DRD2: variants seen among roughly 807,000 people sequenced by gnomAD.
The protein encoded by DRD2 is D(2) dopamine receptor.
Under a neutral mutation model 38.0 loss-of-function variants are expected in DRD2, and 8 were observed. The ratio of observed to expected loss-of-function variants is 0.21; its 90% CI spans 0.12 to 0.38. The LOEUF (loss-of-function observed/expected upper bound fraction) is 0.38, where lower values mean the gene tolerates loss of function less well. DRD2 is among the 10% of genes least tolerant of loss of function. The pLI, the probability that DRD2 is intolerant of heterozygous loss-of-function variation, is 1.00. For missense variants in DRD2, 403 were observed against 607.7 expected, an observed-to-expected ratio of 0.66 and a Z score of 3.54; for synonymous variants, 230 against 238.6, an observed-to-expected ratio of 0.96 and a Z score of 0.33.
intron 1 of DRD2, among the ~76,000 whole-genome samples, chr11:113,427,664 C>A: frequency 6.6e-6 from 1 of 152,272 alleles, no homozygotes; most frequent in East Asian, 1.9e-4. Context: ...TTGAAAGGCA[C>A]CTGCTAACAT....
At chr11:113,461,714 A>G (rs1951320910) in intron 1 of DRD2, among the ~76,000 whole-genome samples, 1 of 152,204 alleles carries the variant, frequency 6.6e-6, no homozygotes, top group African/African-American at 2.4e-5. Context: ...TTAGTCTGAG[A>G]TCCTGGTGTA....
At chr11:113,452,910 C>G (rs1488485268) in intron 1 of DRD2, among the ~76,000 whole-genome samples, 1 of 152,040 alleles carries the variant, frequency 6.6e-6, no homozygotes, top group East Asian at 1.9e-4. Flanking sequence ...CCTCGGCCTC[C>G]CAAAGCGCTA....
At chr11:113,442,384 T>A (rs1951103296) in intron 1 of DRD2, among the ~76,000 whole-genome samples, 2 of 152,220 alleles carry the variant, frequency 1.3e-5, no homozygotes, top group African/African-American at 4.8e-5. Context: ...GCTATTATGT[T>A]GCTGAGCTAC....
chr11:113,471,840 T>C (rs1951429765), intron 1 of DRD2, among the ~76,000 whole-genome samples: 1 of 152,196 alleles, frequency 6.6e-6, no homozygotes. Flanking sequence ...GAATCTAAAG[T>C]CCTATAAACT....
intron 2 of DRD2, among the ~76,000 whole-genome samples, chr11:113,422,815 C>T (rs1177527139): frequency 2.0e-5 from 3 of 152,136 alleles, no homozygotes; most frequent in Non-Finnish European, 4.4e-5. Context: ...ACCAGTCTCG[C>T]CTCCTCACCT....
intron 2 of DRD2, among the ~76,000 whole-genome samples, chr11:113,419,926 G>T (rs758419025): frequency 1.3e-5 from 2 of 152,230 alleles, no homozygotes; most frequent in Non-Finnish European, 2.9e-5. Context: ...TCACATGGGG[G>T]CCCCGTACCA....
chr11:113,470,898 T>C (rs1377527047), intron 1 of DRD2, among the ~76,000 whole-genome samples: 1 of 152,210 alleles, frequency 6.6e-6, no homozygotes, highest in Admixed American at 6.5e-5. Flanking sequence ...CCAGGGTCCT[T>C]GGCCCCTCTG....
At chr11:113,427,726 T>C (rs530625985) in intron 1 of DRD2, among the ~76,000 whole-genome samples, 35 of 152,256 alleles carry the variant, frequency 2.3e-4, no homozygotes, top group African/African-American at 6.5e-4. Flanking sequence ...AAGGGTGCCA[T>C]AGGTGCTGCA....
intron 1 of DRD2, among the ~76,000 whole-genome samples, chr11:113,449,569 A>AT (rs1297176870): frequency 6.6e-6 from 1 of 152,202 alleles, no homozygotes; most frequent in African/African-American, 2.4e-5. Context: ...CCCTGAGCAC[A>AT]TGCCATCATA....
intron 5 of DRD2, 184 bp downstream of exon 5, chr11:113,415,237 G>C (rs548054987): frequency 1.8e-6 from 1 of 570,928 alleles, no homozygotes; most frequent in South Asian, 4.5e-5. Flanking sequence ...CTCTCCTGGA[G>C]ACTCAGATTG....
Position 113,412,848 on chromosome 11 carries a change from C to A in DRD2, c.846G>T (p.Glu282Asp), listed in dbSNP as rs760515562. Residue 282 changes from glutamate (E) to aspartate (D), a missense_variant, in exon 7 of 8, where the codon GAG becomes GAT. Physicochemically the swap from Glu to Asp is conservative, Grantham distance 45. Coordinates refer to ENST00000362072, the MANE Select transcript of DRD2 (RefSeq NM_000795.4). Reference sequence around the variant, plus strand: ...CGGGTGGGCTGGTGCTGGAGAGCATCTCCATCTCCAGCTCCTGGGCTCGCC... The same window carrying A: ...CGGGTGGGCTGGTGCTGGAGAGCATATCCATCTCCAGCTCCTGGGCTCGCC... ...AARRAQELEM[E>D]MLSSTSPPER... 2.5e-6 allele frequency: 4 copies of A among 1,612,780 alleles called. No individual in the cohort carries two copies. Among genetic ancestry groups the A allele is most frequent in the Non-Finnish European group, 3.4e-6 (4 of 1,179,842 alleles).
chr11:113,462,095 T>G (rs2119965531), intron 1 of DRD2, among the ~76,000 whole-genome samples: 1 of 152,334 alleles, frequency 6.6e-6, no homozygotes, highest in Non-Finnish European at 1.5e-5. Context: ...CTAATTGCTT[T>G]CTTTCTTGTC....
intron 1 of DRD2, among the ~76,000 whole-genome samples, chr11:113,448,070 A>G (rs1160281711): frequency 2.6e-5 from 4 of 152,198 alleles, no homozygotes; most frequent in Non-Finnish European, 5.9e-5. Context: ...GTCTGGCAGC[A>G]GAGAATGTAG....
intron 1 of DRD2, among the ~76,000 whole-genome samples, chr11:113,429,058 G>A (rs964944390): frequency 6.6e-6 from 1 of 152,130 alleles, no homozygotes; most frequent in African/African-American, 2.4e-5. Context: ...TCTGAGAAAG[G>A]CCTCACACAT....
intron 1 of DRD2, among the ~76,000 whole-genome samples, chr11:113,463,244 GAAGA>G (rs1221948492): frequency 6.6e-6 from 1 of 152,234 alleles, no homozygotes; most frequent in Non-Finnish European, 1.5e-5. Flanking sequence ...CCAGAAATGA[GAAGA>G]AAGGACAAGA....
At chr11:113,469,727 C>G (rs1024607901) in intron 1 of DRD2, among the ~76,000 whole-genome samples, 14 of 152,170 alleles carry the variant, frequency 9.2e-5, no homozygotes, top group Middle Eastern at 3.2e-3. Flanking sequence ...GTACTCCCAG[C>G]TGCTCGGGTG....
chr11:113,436,983 T>C (rs1951044971), intron 1 of DRD2, among the ~76,000 whole-genome samples: 1 of 152,178 alleles, frequency 6.6e-6, no homozygotes. Flanking sequence ...ACCCTTTCTA[T>C]GGCCTGGGAT....
At chr11:113,466,821 T>C (rs762008958) in intron 1 of DRD2, among the ~76,000 whole-genome samples, 1 of 152,208 alleles carries the variant, frequency 6.6e-6, no homozygotes, top group Non-Finnish European at 1.5e-5. Context: ...TAGAGAAGCA[T>C]GAGACAAATT....
Position 113,427,221 on chromosome 11 carries a change from TA to T in DRD2, c.-31-2540del, listed in dbSNP as rs528776768. ...AACATGCTTGATCTTGTCTAATTAT[TA>T]TCCCTACTTTAATAAGAAAGGGATT... is the stretch of plus-strand genomic sequence containing the variant. On this transcript the variant is annotated intron_variant, in intron 1 of 7. Transcript: ENST00000362072. 7.9e-5 allele frequency among the ~76,000 whole-genome samples: 12 copies of T among 152,362 alleles called. No individual in the cohort carries two copies. In the South Asian group the frequency reaches 2.5e-3, roughly 32 times the overall value.
Sources: allele counts gnomAD v4.1 joint callset (sites outside exome capture counted in the v4.1 genomes callset), GRCh38; gene constraint gnomAD v4.1.1; transcripts MANE v1.5; gene names NCBI Gene and HGNC (gene_info 2026-07-23, HGNC 2026-07-21).